SPNS2: variants seen among roughly 807,000 people sequenced by gnomAD.
The protein encoded by SPNS2 is sphingosine-1-phosphate transporter SPNS2.
In SPNS2, 37 loss-of-function variants were observed where a neutral mutation model predicts 57.6. The ratio of observed to expected loss-of-function variants is 0.64; its 90% CI spans 0.49 to 0.85. SPNS2 has a LOEUF of 0.85. Ranked by LOEUF, SPNS2 falls within the 40% of genes least tolerant of loss-of-function variation. The probability of loss-of-function intolerance (pLI) is 0.00; values close to 1 mark genes in which losing one functional copy is unlikely to be tolerated. For missense variants in SPNS2, 831 were observed against 779.1 expected (o/e 1.07, Z -0.79); for synonymous variants, 440 against 346.9 (o/e 1.27, Z -2.98).
rs1597369465 is a variant in SPNS2 at position 4,532,652 on chromosome 17, A to G, written c.903A>G (p.Ser301=). ...QLGDQLKART[S]WLRDMKALIR... The stretch of plus-strand genomic sequence containing the variant: ...GGGACCAGCTCAAGGCCCGGACCTC[A>G]TGGCTCCGAGATATGAAGGCCCTGA... Residue 301 remains serine (S), a synonymous_variant, in exon 6 of 13, where the codon TCA becomes TCG. Coordinates refer to ENST00000329078, the MANE Select transcript of SPNS2 (RefSeq NM_001124758.3). 1 of 1,613,904 alleles carries G rather than the reference A, an allele frequency of 6.2e-7. No individual in the cohort carries two copies. The highest frequency in any genetic ancestry group is 8.5e-7 in the Non-Finnish European group (1 of 1,179,930).
chr17:4,536,176 T>G lies in SPNS2; in HGVS notation c.1443+2T>G, dbSNP rs1905781541. On this transcript the variant is annotated splice_donor_variant, in intron 10 of 12. Transcript: ENST00000329078. LOFTEE classifies it high-confidence loss of function. ...GGGAGCCCCTACCTCATTGGCTTTG[T>G]GAGTAGCCCCGGGGTGGGGCTGGCC... 2 of 1,611,186 alleles carry G rather than the reference T, an allele frequency of 1.2e-6. No individual in the cohort carries two copies. Among genetic ancestry groups the G allele is most frequent in the East Asian group, 2.2e-5 (1 of 44,842 alleles).
chr17:4,500,893 G>A (rs1904483068), intron 1 of SPNS2, among the ~76,000 whole-genome samples: 1 of 151,976 alleles, frequency 6.6e-6, no homozygotes, highest in African/African-American at 2.4e-5. Context: ...TTTCTGGGTC[G>A]AGCTATCCCA....
chr17:4,531,208 A>G (rs1905454655), intron 5 of SPNS2, 89 bp downstream of exon 5: 1 of 1,249,894 alleles, frequency 8.0e-7, no homozygotes, highest in African/African-American at 1.5e-5. Flanking sequence ...GCTAGGACCT[A>G]GGCCTCCAGG....
chr17:4,536,067 G>C lies in SPNS2; in HGVS notation c.1345-9G>C. The C allele has an allele frequency of 6.2e-7, 1 of 1,609,114 alleles. No individual in the cohort carries two copies. On this transcript the variant is annotated splice_polypyrimidine_tract_variant and intron_variant, in intron 9 of 12. Coordinates refer to ENST00000329078, the MANE Select transcript of SPNS2 (RefSeq NM_001124758.3). ...CCTCTGGCCGCTGACCTGCCCGCCTGTTCCGCAGTACGTGGTCATCCCCAC... is the reference window on the plus strand; with the variant it reads ...CCTCTGGCCGCTGACCTGCCCGCCTCTTCCGCAGTACGTGGTCATCCCCAC...
rs1301991223 is a variant in SPNS2 at position 4,512,156 on chromosome 17, C to T, written c.371-1091C>T. ...CTGGAGTCCCCCAAAGGCTTCTGTCCCTGCCTGTAAGGCCCCCAAAGGCAG... is the reference window on the plus strand; with the variant it reads ...CTGGAGTCCCCCAAAGGCTTCTGTCTCTGCCTGTAAGGCCCCCAAAGGCAG... On this transcript the variant is annotated intron_variant, in intron 1 of 12. Transcript: ENST00000329078. This position sits in a 1 kb window ranked among gnomAD's most constrained non-coding sequence, Gnocchi z 5.2. Among the ~76,000 whole-genome samples the T allele has an allele frequency of 6.6e-6, 1 of 152,200 alleles. No individual in the cohort carries two copies. Among genetic ancestry groups the T allele is most frequent in the Non-Finnish European group, 1.5e-5 (1 of 68,042 alleles).
chr17:4,530,153 G>GCCCCACTCCCCACT lies in SPNS2; in HGVS notation c.574-471_574-458dup, dbSNP rs370061088. Among the ~76,000 whole-genome samples the GCCCCACTCCCCACT allele has an allele frequency of 7.9e-5, 12 of 151,976 alleles. 1 individual carries two copies. The highest frequency in any genetic ancestry group is 2.9e-4 in the African/African-American group (12 of 41,446). On this transcript the variant is annotated intron_variant, in intron 3 of 12. Transcript: ENST00000329078. ...GGGTCCCCTGGGCTTCCCTGCCAAC[G>GCCCCACTCCCCACT]CCCCACTCCCCACTCCCCACTTCAC...
Position 4,499,107 on chromosome 17 carries a change from C to CGCGGAGCG in SPNS2, c.65_72dup (p.Arg25SerfsTer43). The CGCGGAGCG allele has an allele frequency of 9.2e-7, 1 of 1,088,874 alleles. No individual in the cohort carries two copies. Among genetic ancestry groups the CGCGGAGCG allele is most frequent in the Non-Finnish European group, 1.1e-6 (1 of 897,708 alleles). 67.5% of individuals were successfully genotyped at this position (1,088,874 alleles called of 1,614,324 possible). A position where few individuals can be genotyped will look rare whatever the true frequency, so the allele number is the denominator to read the frequency against. ...GCGGCGCGGAGGAGGAGGAGGCGGA[C>CGCGGAGCG]GCGGAGCGGCGGCGCCGGCGCCGGG... is the stretch of plus-strand genomic sequence containing the variant. On this transcript the variant is annotated frameshift_variant, in exon 1 of 13. Coordinates refer to ENST00000329078, the MANE Select transcript of SPNS2 (RefSeq NM_001124758.3). LOFTEE classifies it high-confidence loss of function. This position sits in a 1 kb window ranked among gnomAD's most constrained non-coding sequence, Gnocchi z 5.2.
chr17:4,510,019 G>C lies in SPNS2; in HGVS notation c.371-3228G>C, dbSNP rs553805487. 9.5e-4 allele frequency among the ~76,000 whole-genome samples: 144 copies of C among 152,368 alleles called. No individual in the cohort carries two copies. Among genetic ancestry groups the C allele is most frequent in the Middle Eastern group, 3.4e-3 (1 of 294 alleles). On this transcript the variant is annotated intron_variant, in intron 1 of 12. Coordinates refer to ENST00000329078, the MANE Select transcript of SPNS2 (RefSeq NM_001124758.3). This position sits in a 1 kb window ranked among gnomAD's most constrained non-coding sequence, Gnocchi z 4.4. ...GCTGTGGTGAAGAAGGGAGGGGTGC[G>C]TGGGCCTGAGCCGTGCTGGAGCCCA... is the stretch of plus-strand genomic sequence containing the variant.
At chr17:4,521,442 C>A (rs1905135105) in intron 2 of SPNS2, among the ~76,000 whole-genome samples, 1 of 152,350 alleles carries the variant, frequency 6.6e-6, no homozygotes, top group African/African-American at 2.4e-5. Context: ...CAGTGTTGAC[C>A]AAGGCCGGCC....
intron 5 of SPNS2, among the ~76,000 whole-genome samples, chr17:4,532,093 ATCCGTCTGTCCATCCATCCACCATCCG>A (rs1400677746): frequency 6.6e-6 from 1 of 151,756 alleles, no homozygotes; most frequent in Non-Finnish European, 1.5e-5. Flanking sequence ...CTTATTTTCC[ATCCGTCTGTCCATCCATCCACCATCCG>A]TCCGTCTATC....
At chr17:4,509,259 G>A (rs1022459922) in intron 1 of SPNS2, among the ~76,000 whole-genome samples, 4 of 152,168 alleles carry the variant, frequency 2.6e-5, no homozygotes, top group Non-Finnish European at 4.4e-5. Flanking sequence ...TGAGAATATT[G>A]ACTTGGGAAG....
rs543116695 is a variant in SPNS2, at chr17:4,531,781, G to C, written c.792+662G>C. Among the ~76,000 whole-genome samples the C allele has an allele frequency of 2.0e-5, 3 of 152,110 alleles. 1 individual carries two copies. In the South Asian group the frequency reaches 6.2e-4, roughly 32 times the overall value. ...GGGGGCATGGGGGAGAGTGTTCTGC[G>C]GGGCTGGTGAGATGGAATCCAGGCT... On this transcript the variant is annotated intron_variant, in intron 5 of 12. Transcript: ENST00000329078.
chr17:4,524,578 G>A (rs1362709908), intron 2 of SPNS2, among the ~76,000 whole-genome samples: 4 of 152,240 alleles, frequency 2.6e-5, no homozygotes, highest in Non-Finnish European at 5.9e-5. Context: ...CAGCTACTCA[G>A]GAGGCTGAGG....
chr17:4,528,890 C>G (rs1425825138), intron 3 of SPNS2, among the ~76,000 whole-genome samples: 1 of 152,088 alleles, frequency 6.6e-6, no homozygotes, highest in African/African-American at 2.4e-5. Flanking sequence ...CCTCCTGTCT[C>G]AGTCTCCTAA....
rs75620274 is a variant in SPNS2 at position 4,537,895 on chromosome 17, G to T, written c.*447G>T. 2.4e-6 allele frequency: 1 copy of T among 424,884 alleles called. No homozygotes were observed. Among genetic ancestry groups the T allele is most frequent in the South Asian group, 1.6e-5 (1 of 61,568 alleles). 26.3% of individuals were successfully genotyped at this position (424,884 alleles called of 1,614,324 possible). On this transcript the variant is annotated 3_prime_UTR_variant, in exon 13 of 13. Transcript: ENST00000329078. Reference sequence around the variant, plus strand: ...AGACTCAACAGACCCTGGACCATACGGAGAGCAGGTGGCCCAGGCCTCAGG... The same window carrying T: ...AGACTCAACAGACCCTGGACCATACTGAGAGCAGGTGGCCCAGGCCTCAGG...
At chr17:4,531,751 G>A (rs1387559350) in intron 5 of SPNS2, among the ~76,000 whole-genome samples, 6 of 152,078 alleles carry the variant, frequency 3.9e-5, no homozygotes, top group East Asian at 1.9e-4. Flanking sequence ...GGGGCTCCCA[G>A]TCCCGGGGGC....
chr17:4,514,993 C>G (rs1318299857), intron 2 of SPNS2, among the ~76,000 whole-genome samples: 1 of 152,226 alleles, frequency 6.6e-6, no homozygotes, highest in Non-Finnish European at 1.5e-5. Context: ...CTACCCCACG[C>G]ATCCTCCATT....
At position 4,532,562 on chromosome 17, in the gene SPNS2, G is replaced by C; in HGVS notation, c.813G>C (p.Met271Ile). 1.2e-6 allele frequency: 2 copies of C among 1,614,160 alleles called. No individual in the cohort carries two copies. The highest frequency in any genetic ancestry group is 1.7e-6 in the Non-Finnish European group (2 of 1,180,052). ...WALRVSPVLGMITGTLILILV... is the reference protein window; with the variant it reads ...WALRVSPVLGIITGTLILILV... ...GGCAGGTGTCCCCTGTCCTGGGCAT[G>C]ATCACAGGAACACTCATCCTCATTC... Residue 271 changes from methionine (M) to isoleucine (I), a missense_variant, in exon 6 of 13, where the codon ATG (methionine) becomes ATC (isoleucine). By Grantham distance (10) the Met-to-Ile change is conservative (BLOSUM62 1). Transcript: ENST00000329078.
At chr17:4,529,042 C>G (rs1905350325) in intron 3 of SPNS2, among the ~76,000 whole-genome samples, 7 of 151,782 alleles carry the variant, frequency 4.6e-5, no homozygotes, top group Admixed American at 3.9e-4. Context: ...GTTCAAGCAA[C>G]TCTCTGCCTC....
Sources: gnomAD v4.1 joint callset for allele counts (sites outside exome capture counted in the v4.1 genomes callset) on GRCh38, gnomAD v4.1.1 for gene constraint, Gnocchi (gnomAD v3.1) non-coding constraint, MANE v1.5 for transcripts, NCBI Gene and HGNC (gene_info 2026-07-23, HGNC 2026-07-21) for gene names.